The following FKBP1B variants were observed in gnomAD, a reference collection of about 807,000 sequenced individuals.
The protein encoded by FKBP1B is FKBP prolyl isomerase 1B.
A neutral mutation model predicts 13.5 loss-of-function variants in FKBP1B; 4 were observed. The observed-to-expected ratio is 0.30, with a 90% CI of 0.15 to 0.68. FKBP1B has a LOEUF of 0.68. Among genes scored for constraint, FKBP1B ranks in the 30% least tolerant of loss-of-function variants. The pLI is 0.76. For synonymous variants in FKBP1B, 54 were observed against 53.6 expected, an observed-to-expected ratio of 1.01 and a Z score of -0.03; for missense variants, 93 against 136.2, an observed-to-expected ratio of 0.68 and a Z score of 1.58.
chr2:24,047,681 C>CT (rs1271106371), upstream of FKBP1B, among the ~76,000 whole-genome samples: 7 of 152,206 alleles, frequency 4.6e-5, no homozygotes, highest in African/African-American at 1.7e-4. Context: ...CGTCGGTTCT[C>CT]TTGTCTAAGG....
At position 24,049,769 on chromosome 2, in the gene FKBP1B, C is replaced by G; in HGVS notation, c.-81C>G. ...GTGGCGGCGAGGAGGCGAGCCGGAGCGACGGCGGGGCTGGGGCCGGAGCCG... is the reference window on the plus strand; with the variant it reads ...GTGGCGGCGAGGAGGCGAGCCGGAGGGACGGCGGGGCTGGGGCCGGAGCCG... On this transcript the variant is annotated 5_prime_UTR_variant, in exon 1 of 4. Coordinates refer to ENST00000380986, the MANE Select transcript of FKBP1B (RefSeq NM_004116.5). 8.5e-7 allele frequency: 1 copy of G among 1,175,768 alleles called. No homozygotes were observed. The highest frequency in any genetic ancestry group is 1.6e-5 in the African/African-American group (1 of 62,868). The allele number at this position is 1,175,768 out of a possible 1,614,324, so 72.8% of individuals were successfully genotyped here.
intron 1 of FKBP1B, among the ~76,000 whole-genome samples, chr2:24,051,576 C>T (rs1234509046): frequency 6.6e-6 from 1 of 152,164 alleles, no homozygotes; most frequent in East Asian, 1.9e-4. Flanking sequence ...ATTTATTGAA[C>T]GTGTGTGCTA....
chr2:24,043,526 C>A, the FKBP1B span, among the ~76,000 whole-genome samples: 5 of 152,034 alleles, frequency 3.3e-5, no homozygotes, highest in Admixed American at 3.3e-4. Context: ...AACCCCCCAA[C>A]AATCTACAAA....
At chr2:24,057,748 C>T (rs924378723) in intron 2 of FKBP1B, among the ~76,000 whole-genome samples, 1 of 152,036 alleles carries the variant, frequency 6.6e-6, no homozygotes, top group Non-Finnish European at 1.5e-5. Context: ...AACTCCTGGG[C>T]TCAAGTGATC....
chr2:24,037,489 C>T, the FKBP1B span, among the ~76,000 whole-genome samples: 7 of 152,168 alleles, frequency 4.6e-5, no homozygotes, highest in Non-Finnish European at 7.3e-5. Context: ...CTGATATGTG[C>T]GCCTATCTGG....
At chr2:24,040,883 G>C in the FKBP1B span, among the ~76,000 whole-genome samples, 2 of 152,092 alleles carry the variant, frequency 1.3e-5, no homozygotes, top group East Asian at 3.9e-4. Context: ...AAGTGTGGTG[G>C]TGCATGCCTA....
At chr2:24,035,075 T>G in the FKBP1B span, among the ~76,000 whole-genome samples, 1 of 151,746 alleles carries the variant, frequency 6.6e-6, no homozygotes, top group African/African-American at 2.4e-5. Flanking sequence ...ACATCTAACA[T>G]CTAATAAAAT....
chr2:24,041,676 A>C, the FKBP1B span, among the ~76,000 whole-genome samples: 8 of 151,576 alleles, frequency 5.3e-5, no homozygotes, highest in African/African-American at 1.9e-4. Context: ...AACATGGTGA[A>C]ACCCCATCTC....
In FKBP1B at chr2:24,053,963, C is replaced by G. The variant is rs1664000328; in HGVS notation, c.85+14C>G. On this transcript the variant is annotated intron_variant, in intron 2 of 3. Coordinates refer to ENST00000380986, the MANE Select transcript of FKBP1B (RefSeq NM_004116.5). ...TGCACTACACAGGTAAGTCTCACCCCCTCAGCCCCCACCCAGTCCTTCCCC... is the reference window on the plus strand; with the variant it reads ...TGCACTACACAGGTAAGTCTCACCCGCTCAGCCCCCACCCAGTCCTTCCCC... The G allele has an allele frequency of 6.2e-7, 1 of 1,613,654 alleles. No individual in the cohort carries two copies. The highest frequency in any genetic ancestry group is 8.5e-7 in the Non-Finnish European group (1 of 1,179,526).
At chr2:24,044,794 G>A (rs903473246), upstream of FKBP1B, among the ~76,000 whole-genome samples, 1 of 135,990 alleles carries the variant, frequency 7.4e-6, no homozygotes, top group African/African-American at 2.7e-5. Context: ...TGCATACTAT[G>A]TGTTGTTGGG....
At position 24,060,925 on chromosome 2, in the gene FKBP1B, AG is replaced by A. The variant is rs1210769326; in HGVS notation, c.198+1del. 6.2e-7 allele frequency: 1 copy of A among 1,610,886 alleles called. No homozygotes were observed. The highest frequency in any genetic ancestry group is 8.5e-7 in the Non-Finnish European group (1 of 1,177,076). On this transcript the variant is annotated frameshift_variant and splice_region_variant, in exon 3 of 4. Transcript: ENST00000380986. LOFTEE classifies it high-confidence loss of function. Reference sequence around the variant, plus strand: ...AAAGGTTTTGAAGAGGGTGCAGCCCAGGTAGGATGAGGATTCGCATTAAAGG... The same window carrying A: ...AAAGGTTTTGAAGAGGGTGCAGCCCAGTAGGATGAGGATTCGCATTAAAGG... The part of the protein sequence containing the change: ...VIKGFEEGAA[Q>X]MSLGQRAKLT...
chr2:24,040,011 G>C, the FKBP1B span, among the ~76,000 whole-genome samples: 47 of 151,940 alleles, frequency 3.1e-4, no homozygotes, highest in Non-Finnish European at 6.5e-4. Context: ...ATGTTGGCCA[G>C]GCTGGTCTCA....
chr2:24,055,638 A>G (rs1664091775), intron 2 of FKBP1B, among the ~76,000 whole-genome samples: 1 of 152,208 alleles, frequency 6.6e-6, no homozygotes, highest in South Asian at 2.1e-4. Flanking sequence ...TCTGCGAGAT[A>G]TATCCAGAAT....
At chr2:24,043,922 T>A in the FKBP1B span, among the ~76,000 whole-genome samples, 1 of 152,042 alleles carries the variant, frequency 6.6e-6, no homozygotes, top group African/African-American at 2.4e-5. Flanking sequence ...CTTTTATATA[T>A]GATGTCAGAT....
At chr2:24,040,215 A>G in the FKBP1B span, among the ~76,000 whole-genome samples, 1 of 152,202 alleles carries the variant, frequency 6.6e-6, no homozygotes, top group Non-Finnish European at 1.5e-5. Context: ...GATGCCTACA[A>G]TGTGCTTTCA....
intron 2 of FKBP1B, among the ~76,000 whole-genome samples, chr2:24,059,372 T>A (rs867415032): frequency 1.4e-5 from 2 of 144,476 alleles, no homozygotes; most frequent in African/African-American, 2.7e-5. Context: ...GACCAGCACC[T>A]GGGGGGGGGT....
In FKBP1B at chr2:24,063,459, A is replaced by AT; in HGVS notation, c.*267_*268insT. On this transcript the variant is annotated 3_prime_UTR_variant, in exon 4 of 4. Transcript: ENST00000380986. ...ATGCATGTAGTAGCCTTTCCTGATGACAGAACACAGATCTCTTGTTCGCAC... is the reference window on the plus strand; with the variant it reads ...ATGCATGTAGTAGCCTTTCCTGATGATCAGAACACAGATCTCTTGTTCGCAC... The AT allele has an allele frequency of 2.6e-6, 1 of 381,854 alleles. No individual in the cohort carries two copies. The highest frequency in any genetic ancestry group is 4.7e-6 in the Non-Finnish European group (1 of 214,156). The allele number at this position is 381,854 out of a possible 1,614,324, so 23.7% of individuals were successfully genotyped here. A position where few individuals can be genotyped will look rare whatever the true frequency, so the allele number is the denominator to read the frequency against.
chr2:24,041,564 A>C, the FKBP1B span, among the ~76,000 whole-genome samples: 2 of 151,996 alleles, frequency 1.3e-5, no homozygotes, highest in East Asian at 3.9e-4. Flanking sequence ...GGCATGAGCC[A>C]CCCAGCACTT....
At chr2:24,034,936 A>G in the FKBP1B span, among the ~76,000 whole-genome samples, 3,442 of 152,030 alleles carry the variant, frequency 0.023, 48 homozygotes, top group Non-Finnish European at 0.03. Flanking sequence ...TAAGTGTTTT[A>G]AAAACAGAAA....
Sources: gnomAD v4.1 joint callset for allele counts (sites outside exome capture counted in the v4.1 genomes callset) on GRCh38, gnomAD v4.1.1 for gene constraint, MANE v1.5 for transcripts, NCBI Gene and HGNC (gene_info 2026-07-23, HGNC 2026-07-21) for gene names.